The following SEC11A variants were observed in gnomAD, a reference collection of about 807,000 sequenced individuals.
The protein encoded by SEC11A is signal peptidase complex catalytic subunit SEC11A.
In SEC11A, 14 loss-of-function variants were observed where a neutral mutation model predicts 25.6. That is an observed-to-expected ratio of 0.55 (90% CI 0.36 to 0.85). The LOEUF (loss-of-function observed/expected upper bound fraction) is 0.85, where lower values mean the gene tolerates loss of function less well. Among genes scored for constraint, SEC11A ranks in the 40% least tolerant of loss-of-function variants. SEC11A has a pLI of 0.01. For synonymous variants in SEC11A, 83 were observed against 76.4 expected (o/e 1.09, Z -0.45); for missense variants, 153 against 222.9 (o/e 0.69, Z 2.00).
chr15:84,676,915 A>T (rs970101528), intron 4 of SEC11A, among the ~76,000 whole-genome samples: 7 of 152,016 alleles, frequency 4.6e-5, no homozygotes, highest in African/African-American at 1.7e-4. Flanking sequence ...ACACAAGGAG[A>T]GCCAATCTCT....
chr15:84,694,784 T>C (rs1023746076), intron 1 of SEC11A, among the ~76,000 whole-genome samples: 1 of 150,798 alleles, frequency 6.6e-6, no homozygotes, highest in Admixed American at 6.6e-5. Context: ...AAGACCTTTA[T>C]CTCTACAAAA....
intron 1 of SEC11A, among the ~76,000 whole-genome samples, chr15:84,701,000 A>AAT (rs1358923696): frequency 4.0e-5 from 6 of 151,096 alleles, no homozygotes; most frequent in Non-Finnish European, 7.4e-5. Context: ...AAAAAAAAAA[A>AAT]AAAAAATCCA....
intron 4 of SEC11A, chr15:84,673,476 T>G (rs1364477837): frequency 5.7e-6 from 1 of 174,900 alleles, no homozygotes. Context: ...TCTCTTGTCT[T>G]CACCCCTCTC....
intron 1 of SEC11A, among the ~76,000 whole-genome samples, chr15:84,695,438 G>A (rs897233475): frequency 2.3e-4 from 35 of 151,952 alleles, no homozygotes; most frequent in African/African-American, 8.2e-4. Flanking sequence ...ACTCCAGCCT[G>A]GGCAACAAGG....
At position 84,716,076 on chromosome 15, in the gene SEC11A, G is replaced by A. The variant is rs896501768; in HGVS notation, c.-1C>T. On this transcript the variant is annotated 5_prime_UTR_variant, in exon 1 of 6. Coordinates refer to ENST00000268220, the MANE Select transcript of SEC11A (RefSeq NM_014300.4). ...CGTCCAAAAAGTCTAGAGACAGCAT[G>A]GCGGGGACGGCGAGCAGGACACCGG... 14 of 1,613,492 alleles carry A rather than the reference G, an allele frequency of 8.7e-6. No individual in the cohort carries two copies. The African/African-American group carries it at 1.9e-4, about 22-fold the overall frequency.
intron 1 of SEC11A, among the ~76,000 whole-genome samples, chr15:84,702,322 G>A (rs533357021): frequency 8.2e-4 from 124 of 151,534 alleles, no homozygotes; most frequent in African/African-American, 2.5e-3. Context: ...TTAGCTGGGC[G>A]TGGTGGCGGG....
intron 1 of SEC11A, among the ~76,000 whole-genome samples, chr15:84,694,990 T>C (rs1257120926): frequency 2.1e-5 from 3 of 146,092 alleles, no homozygotes; most frequent in Middle Eastern, 3.6e-3. Flanking sequence ...CTCGGGAGGC[T>C]GAGGCAGGAG....
At chr15:84,682,166 T>A (rs1448806574) in intron 3 of SEC11A, among the ~76,000 whole-genome samples, 1 of 151,724 alleles carries the variant, frequency 6.6e-6, no homozygotes. Flanking sequence ...TACATGGGGG[T>A]TCCTCATACC....
At chr15:84,688,965 AG>A (rs1897512626) in intron 2 of SEC11A, among the ~76,000 whole-genome samples, 1 of 147,558 alleles carries the variant, frequency 6.8e-6, no homozygotes, top group Admixed American at 6.9e-5. Context: ...CAGGAGGTGG[AG>A]GTTGAATGGG....
chr15:84,677,025 A>T (rs1202661397), intron 4 of SEC11A, among the ~76,000 whole-genome samples: 3 of 151,872 alleles, frequency 2.0e-5, no homozygotes, highest in African/African-American at 7.3e-5. Flanking sequence ...TGGGAGGTGG[A>T]GGTTGCAGTG....
intron 1 of SEC11A, among the ~76,000 whole-genome samples, chr15:84,704,351 C>A (rs901551212): frequency 2.6e-5 from 4 of 152,146 alleles, no homozygotes; most frequent in Admixed American, 6.6e-5. Context: ...ACTAGTCTTA[C>A]TATGTCCCTC....
Position 84,716,048 on chromosome 15 carries a change from C to T in SEC11A, c.28G>A (p.Val10Met), listed in dbSNP as rs1189051839. 1 of 1,613,824 alleles carries T rather than the reference C, an allele frequency of 6.2e-7. No homozygotes were observed. The highest frequency in any genetic ancestry group is 1.1e-5 in the South Asian group (1 of 91,054). The change falls in exon 1 of 6, where the codon GTG becomes ATG. Residue 10 changes from valine (V) to methionine (M), a missense_variant. Physicochemically the swap from Val to Met is conservative, Grantham distance 21. Coordinates refer to ENST00000268220, the MANE Select transcript of SEC11A (RefSeq NM_014300.4). Reference sequence around the variant, plus strand: ...ACCTGCCGCTTGTTCATCCGCCGCACATCGTCCAAAAAGTCTAGAGACAGC... The same window carrying T: ...ACCTGCCGCTTGTTCATCCGCCGCATATCGTCCAAAAAGTCTAGAGACAGC... MLSLDFLDD[V>M]RRMNKRQLYY...
intron 2 of SEC11A, among the ~76,000 whole-genome samples, chr15:84,691,319 C>T (rs552602565): frequency 5.3e-5 from 8 of 152,190 alleles, no homozygotes; most frequent in South Asian, 2.1e-4. Context: ...AGTAATCCAC[C>T]GGCCTCAGCA....
chr15:84,709,200 T>C (rs1194702596), intron 1 of SEC11A, among the ~76,000 whole-genome samples: 1 of 152,080 alleles, frequency 6.6e-6, no homozygotes, highest in Non-Finnish European at 1.5e-5. Context: ...AAATATCTTT[T>C]TTTTTTGTTT....
rs1247724811 is a variant in SEC11A at position 84,669,999 on chromosome 15, G to C, written c.*20C>G. The C allele has an allele frequency of 6.2e-7, 1 of 1,613,384 alleles. No individual in the cohort carries two copies. Among genetic ancestry groups the C allele is most frequent in the Non-Finnish European group, 8.5e-7 (1 of 1,179,712 alleles). ...TAACGAAAACTATGGCATCTTCCCA[G>C]GAACAGCAAGGCAGGCTTCTTACTC... On this transcript the variant is annotated 3_prime_UTR_variant, in exon 6 of 6. Coordinates refer to ENST00000268220, the MANE Select transcript of SEC11A (RefSeq NM_014300.4).
intron 1 of SEC11A, among the ~76,000 whole-genome samples, chr15:84,705,332 C>A (rs193059319): frequency 6.6e-6 from 1 of 152,234 alleles, no homozygotes; most frequent in East Asian, 1.9e-4. Context: ...CTGTCTTCTG[C>A]GTGACAGAAA....
chr15:84,677,427 G>T (rs1897163741), intron 4 of SEC11A, among the ~76,000 whole-genome samples: 1 of 150,458 alleles, frequency 6.6e-6, no homozygotes, highest in Non-Finnish European at 1.5e-5. Flanking sequence ...TCTATGTTGG[G>T]ATTTTAAAAA....
chr15:84,670,976 G>A lies in SEC11A; in HGVS notation c.432-194C>T, dbSNP rs553350884. ...TTAGGAATATCACCATTTTAGAGAT[G>A]AGGAAACAGATGATCATGCCCAAGG... On this transcript the variant is annotated intron_variant, in intron 4 of 5. Transcript: ENST00000268220. The A allele has an allele frequency of 1.2e-5, 5 of 425,562 alleles. No homozygotes were observed. In the East Asian group the frequency reaches 1.2e-4, roughly 11 times the overall value. The allele number at this position is 425,562 out of a possible 1,614,324, so 26.4% of individuals were successfully genotyped here.
intron 1 of SEC11A, among the ~76,000 whole-genome samples, chr15:84,708,795 A>C (rs1481984059): frequency 6.6e-6 from 1 of 152,100 alleles, no homozygotes; most frequent in African/African-American, 2.4e-5. Context: ...CTCAGGAAAA[A>C]AAAAATGAAA....
Sources: allele counts gnomAD v4.1 joint callset (sites outside exome capture counted in the v4.1 genomes callset), GRCh38; gene constraint gnomAD v4.1.1; transcripts MANE v1.5; gene names NCBI Gene and HGNC (gene_info 2026-07-23, HGNC 2026-07-21).